The following RARB variants were observed in gnomAD, a reference collection of about 807,000 sequenced individuals.
RARB encodes the protein retinoic acid receptor beta.
Under a neutral mutation model 51.9 loss-of-function variants are expected in RARB, and 17 were observed. The observed-to-expected ratio is 0.33, with a 90% CI of 0.22 to 0.49. The LOEUF (loss-of-function observed/expected upper bound fraction) is 0.49, where lower values mean the gene tolerates loss of function less well. Among genes scored for constraint, RARB ranks in the 20% least tolerant of loss-of-function variants. The probability of loss-of-function intolerance (pLI) is 0.99; values close to 1 mark genes in which losing one functional copy is unlikely to be tolerated. For synonymous variants in RARB, 215 were observed against 195.4 expected, an observed-to-expected ratio of 1.10 and a Z score of -0.84; for missense variants, 369 against 550.8, an observed-to-expected ratio of 0.67 and a Z score of 3.30.
chr3:25,178,970 T>C (rs2125356068), intron 5 of RARB, among the ~76,000 whole-genome samples: 1 of 152,294 alleles, frequency 6.6e-6, no homozygotes, highest in East Asian at 1.9e-4. Context: ...TTGTTAAGTG[T>C]TTTGGCTTCA....
At chr3:25,350,169 G>A (rs1471355183) in intron 5 of RARB, among the ~76,000 whole-genome samples, 1 of 152,112 alleles carries the variant, frequency 6.6e-6, no homozygotes, top group Admixed American at 6.5e-5. Context: ...GTTAAAATGA[G>A]TCACAAAGCC....
In RARB at chr3:25,210,778, G is replaced by A. The variant is rs113706746; in HGVS notation, c.178+36203G>A. ...TCGAACTCCTGACCTCAAGTGAATC[G>A]CCCACCTCAGCTTCCCAAAGTGCTG... is the stretch of plus-strand genomic sequence containing the variant. On this transcript the variant is annotated intron_variant, in intron 5 of 11. Coordinates refer to the RARB transcript ENST00000383772. Among the ~76,000 whole-genome samples the A allele has an allele frequency of 1.0e-3, 155 of 151,710 alleles. 2 individuals carry two copies. The highest frequency in any genetic ancestry group is 4.9e-3 in the Admixed American group (74 of 15,206).
chr3:25,497,733 A>G (rs1697113965), intron 2 of RARB, among the ~76,000 whole-genome samples: 1 of 152,166 alleles, frequency 6.6e-6, no homozygotes, highest in African/African-American at 2.4e-5. Context: ...CTCTCCTCTC[A>G]GGTTGCTCCT....
intron 3 of RARB, among the ~76,000 whole-genome samples, chr3:25,101,694 T>G (rs970778511): frequency 6.6e-6 from 1 of 152,022 alleles, no homozygotes; most frequent in African/African-American, 2.4e-5. Context: ...CTTGCCATAC[T>G]TCTTGATTCT....
At chr3:25,032,577 T>C (rs1575127505) in intron 2 of RARB, among the ~76,000 whole-genome samples, 1 of 152,358 alleles carries the variant, frequency 6.6e-6, no homozygotes, top group African/African-American at 2.4e-5. Context: ...AACACTGATA[T>C]TCCATTATTC....
chr3:25,319,960 C>T (rs534212198), intron 5 of RARB, among the ~76,000 whole-genome samples: 1 of 151,732 alleles, frequency 6.6e-6, no homozygotes, highest in East Asian at 1.9e-4. Flanking sequence ...AAAAGCTTGC[C>T]GTAAATCAGT....
intron 5 of RARB, among the ~76,000 whole-genome samples, chr3:25,283,961 A>T (rs322659): frequency 0.88 from 134,678 of 152,226 alleles, 60,737 homozygotes; most frequent in Non-Finnish European, 0.97. Flanking sequence ...TCTCCTAACA[A>T]ATAGCATAAG....
At chr3:24,937,096 C>T (rs1160510067) in intron 2 of RARB, among the ~76,000 whole-genome samples, 1 of 151,940 alleles carries the variant, frequency 6.6e-6, no homozygotes, top group Non-Finnish European at 1.5e-5. Context: ...TTAAGAATAT[C>T]ACTTCAAAAA....
intron 5 of RARB, among the ~76,000 whole-genome samples, chr3:25,382,048 C>A (rs1232789358): frequency 1.3e-5 from 2 of 152,164 alleles, no homozygotes; most frequent in African/African-American, 4.8e-5. Context: ...TAGCAATATT[C>A]TAACTGAGGA....
At chr3:24,904,527 G>A (rs1363771051) in intron 2 of RARB, among the ~76,000 whole-genome samples, 3 of 152,186 alleles carry the variant, frequency 2.0e-5, no homozygotes, top group Non-Finnish European at 4.4e-5. Flanking sequence ...TGCTGGAGAG[G>A]ATGTGGAGAA....
At chr3:25,348,364 A>G (rs575936876) in intron 5 of RARB, among the ~76,000 whole-genome samples, 103 of 149,794 alleles carry the variant, frequency 6.9e-4, no homozygotes, top group Non-Finnish European at 1.2e-3. Context: ...AATAATAACT[A>G]TAGTGGGAGC....
Position 24,943,861 on chromosome 3 carries a change from C to T in RARB, c.-380+85109C>T, listed in dbSNP as rs570225737. Among the ~76,000 whole-genome samples, 3 of 152,244 alleles carry T rather than the reference C, an allele frequency of 2.0e-5. No individual in the cohort carries two copies. The South Asian group carries it at 6.2e-4, about 32-fold the overall frequency. ...AGGTCAATTGTCATGGTCATTATGT[C>T]ATGGAGGCTGAAGACTTCTAGAAGG... On this transcript the variant is annotated intron_variant, in intron 2 of 11. Coordinates refer to the RARB transcript ENST00000383772.
At chr3:25,320,150 C>T (rs974970723) in intron 5 of RARB, among the ~76,000 whole-genome samples, 1 of 152,010 alleles carries the variant, frequency 6.6e-6, no homozygotes, top group African/African-American at 2.4e-5. Context: ...CTACAACATC[C>T]CCATACCCAC....
intron 5 of RARB, among the ~76,000 whole-genome samples, chr3:25,585,087 G>C (rs1186588356): frequency 6.6e-6 from 1 of 152,070 alleles, no homozygotes; most frequent in Non-Finnish European, 1.5e-5. Flanking sequence ...CTTACTAGCT[G>C]TGTGACCTTG....
chr3:25,115,590 C>T (rs978459759), intron 3 of RARB, among the ~76,000 whole-genome samples: 23 of 151,030 alleles, frequency 1.5e-4, no homozygotes, highest in African/African-American at 5.3e-4. Flanking sequence ...CCTTTCTTTT[C>T]TTTTTCTTCT....
intron 3 of RARB, among the ~76,000 whole-genome samples, chr3:25,523,872 AT>A (rs1178098037): frequency 6.6e-6 from 1 of 152,156 alleles, no homozygotes; most frequent in Non-Finnish European, 1.5e-5. Context: ...ACATTGCATT[AT>A]TTTTTTAAAT....
chr3:24,934,791 G>A (rs1367614766), intron 2 of RARB, among the ~76,000 whole-genome samples: 3 of 152,024 alleles, frequency 2.0e-5, no homozygotes, highest in African/African-American at 7.2e-5. Flanking sequence ...TCCCTGCACT[G>A]GAAAAAGTTT....
intron 5 of RARB, among the ~76,000 whole-genome samples, chr3:25,184,012 T>C (rs1458045549): frequency 6.6e-6 from 1 of 152,208 alleles, no homozygotes; most frequent in African/African-American, 2.4e-5. Context: ...CATTAAACTT[T>C]ACTAAAGGAT....
intron 5 of RARB, among the ~76,000 whole-genome samples, chr3:25,236,144 T>G (rs1232763690): frequency 6.6e-6 from 1 of 152,164 alleles, no homozygotes; most frequent in Non-Finnish European, 1.5e-5. Context: ...TATAGCTCAT[T>G]GTATAAATGA....
Sources: gnomAD v4.1 joint callset for allele counts (sites outside exome capture counted in the v4.1 genomes callset) on GRCh38, gnomAD v4.1.1 for gene constraint, MANE v1.5 for transcripts, NCBI Gene and HGNC (gene_info 2026-07-23, HGNC 2026-07-21) for gene names.